The following IAH1 variants were observed in gnomAD, a reference collection of about 807,000 sequenced individuals.
The protein encoded by IAH1 is isoamyl acetate hydrolyzing esterase 1 (putative).
In IAH1, 24 loss-of-function variants were observed where a neutral mutation model predicts 26.7. That is an observed-to-expected ratio of 0.90 (90% confidence interval 0.65 to 1.26). The LOEUF is 1.26. Among genes scored for constraint, IAH1 ranks in the 50% most tolerant of loss-of-function variants. The pLI is 0.00. For missense variants in IAH1, 300 were observed against 299.9 expected (o/e 1.00, Z 0.00); for synonymous variants, 140 against 118.5 (o/e 1.18, Z -1.18).
In IAH1 at chr2:9,488,398, C is replaced by T. The variant is rs1661757905; in HGVS notation, c.*69C>T. Reference sequence around the variant, plus strand: ...AAAGTTGTCAATACGTAGAGGTACGCTTTTTTCCTCAGGCTTAAACCTTTG... The same window carrying T: ...AAAGTTGTCAATACGTAGAGGTACGTTTTTTTCCTCAGGCTTAAACCTTTG... On this transcript the variant is annotated 3_prime_UTR_variant, in exon 6 of 6. Transcript: ENST00000497473. 2 of 1,246,758 alleles carry T rather than the reference C, an allele frequency of 1.6e-6. No individual in the cohort carries two copies. Among genetic ancestry groups the T allele is most frequent in the Middle Eastern group, 2.0e-4 (1 of 5,112 alleles). 77.2% of individuals were successfully genotyped at this position (1,246,758 alleles called of 1,614,324 possible).
At chr2:9,487,840 G>A (rs73913115) in intron 5 of IAH1, among the ~76,000 whole-genome samples, 6,888 of 63,572 alleles carry the variant, frequency 0.11, 587 homozygotes, top group African/African-American at 0.25. Flanking sequence ...GTGTGCGCGC[G>A]CGCGCGCGCG....
the IAH1 span, among the ~76,000 whole-genome samples, chr2:9,506,626 A>C: frequency 6.6e-6 from 1 of 152,194 alleles, no homozygotes; most frequent in Middle Eastern, 3.4e-3. Context: ...CGGTCTCCAA[A>C]GTGCTGGGAT....
At position 9,488,183 on chromosome 2, in the gene IAH1, T is replaced by C; in HGVS notation, c.601T>C (p.Ser201Pro). The stretch of plus-strand genomic sequence containing the variant: ...TTATTTATCAGATGGACTACATTTG[T>C]CTCCAAAGGGGAATGAATTTTTGTT... The part of the protein sequence containing the change: ...SSYLSDGLHL[S>P]PKGNEFLFSH... The change falls in exon 6 of 6, where the codon TCT (serine) becomes CCT (proline). Residue 201 changes from serine (S) to proline (P), a missense_variant. Ser to Pro is a moderately conservative substitution (Grantham distance 74, BLOSUM62 -1). Coordinates refer to ENST00000497473, the MANE Select transcript of IAH1 (RefSeq NM_001039613.3). 1 of 1,612,216 alleles carries C rather than the reference T, an allele frequency of 6.2e-7. No homozygotes were observed. Among genetic ancestry groups the C allele is most frequent in the Non-Finnish European group, 8.5e-7 (1 of 1,179,460 alleles).
At chr2:9,505,264 C>T in the IAH1 span, 1 of 1,614,148 alleles carries the variant, frequency 6.2e-7, no homozygotes, top group Admixed American at 1.7e-5. Flanking sequence ...CTTCATCCAC[C>T]CTCGAGTTCC....
At chr2:9,498,531 A>G (rs1334689704), downstream of IAH1, among the ~76,000 whole-genome samples, 1 of 152,246 alleles carries the variant, frequency 6.6e-6, no homozygotes, top group Non-Finnish European at 1.5e-5. Flanking sequence ...AATGAAGCCA[A>G]TCAAAAGAAT....
the IAH1 span, chr2:9,509,933 A>C: frequency 6.2e-7 from 1 of 1,606,470 alleles, no homozygotes; most frequent in Non-Finnish European, 8.5e-7. Context: ...ATCATTATAC[A>C]CAGCCTCTTT....
chr2:9,478,025 T>C (rs1311886134), intron 2 of IAH1, among the ~76,000 whole-genome samples, 197 bp from the exon 3 acceptor site: 1 of 152,158 alleles, frequency 6.6e-6, no homozygotes, highest in Non-Finnish European at 1.5e-5. Context: ...TATGGTGTAT[T>C]TACCTGTATC....
At chr2:9,493,265 A>G (rs1329941798), downstream of IAH1, among the ~76,000 whole-genome samples, 3 of 152,230 alleles carry the variant, frequency 2.0e-5, no homozygotes, top group Admixed American at 2.0e-4. Flanking sequence ...ATGGAATGCT[A>G]CTACTAGTAA....
rs62120347 is a variant in IAH1 at position 9,488,534 on chromosome 2, A to G, written c.*205A>G. ...ATGCAGATATCAGTGCTACAGCTAT[A>G]AAATATACCCTGAGCAGCTTGTTAA... On this transcript the variant is annotated 3_prime_UTR_variant, in exon 6 of 6. Coordinates refer to ENST00000497473, the MANE Select transcript of IAH1 (RefSeq NM_001039613.3). The G allele has an allele frequency of 0.026, 10,913 of 422,180 alleles. 206 individuals carry two copies. Among genetic ancestry groups the G allele is most frequent in the Non-Finnish European group, 0.035 (8,345 of 240,424 alleles). 26.2% of individuals were successfully genotyped at this position (422,180 alleles called of 1,614,324 possible).
At chr2:9,494,571 C>G (rs948821580), downstream of IAH1, 8 of 1,578,196 alleles carry the variant, frequency 5.1e-6, no homozygotes, top group Non-Finnish European at 6.9e-6. Flanking sequence ...TCTGCAAAAT[C>G]AAGTACTTAC....
chr2:9,473,889 GCA>G (rs1001938843), upstream of IAH1: 1 of 152,210 alleles, frequency 6.6e-6, no homozygotes, highest in African/African-American at 2.4e-5. Flanking sequence ...GAACTTCATT[GCA>G]CAGTTGAGGT....
downstream of IAH1, among the ~76,000 whole-genome samples, chr2:9,493,252 A>G (rs1662305707): frequency 6.6e-6 from 1 of 152,228 alleles, no homozygotes; most frequent in Non-Finnish European, 1.5e-5. Flanking sequence ...TCAACAGATT[A>G]ATATGGAATG....
intron 2 of IAH1, among the ~76,000 whole-genome samples, chr2:9,478,019 G>T (rs534256891): frequency 6.6e-6 from 1 of 152,094 alleles, no homozygotes; most frequent in African/African-American, 2.4e-5. Flanking sequence ...GAGGAGTATG[G>T]TGTATTTACC....
Position 9,484,565 on chromosome 2 carries a change from T to G in IAH1, c.564+15T>G, listed in dbSNP as rs374582120. 141 of 1,533,976 alleles carry G rather than the reference T, an allele frequency of 9.2e-5. No homozygotes were observed. Among genetic ancestry groups the G allele is most frequent in the Middle Eastern group, 5.1e-4 (3 of 5,930 alleles). On this transcript the variant is annotated intron_variant, in intron 5 of 5. Transcript: ENST00000497473. ...AGGACAGCCAGGTACGGTGGCTTGCTCGGTCCTCTCGGGGTAAATAGGATC... is the reference window on the plus strand; with the variant it reads ...AGGACAGCCAGGTACGGTGGCTTGCGCGGTCCTCTCGGGGTAAATAGGATC...
At position 9,478,214 on chromosome 2, in the gene IAH1, C is replaced by T. The variant is rs761047869; in HGVS notation, c.135-8C>T. ...CACAATTCATCTTTTTAAAATTTTT[C>T]GTTTCAGAAAATGTGATGTTCTGAA... On this transcript the variant is annotated splice_polypyrimidine_tract_variant and splice_region_variant and intron_variant, in intron 2 of 5. Transcript: ENST00000497473. 53 of 1,587,514 alleles carry T rather than the reference C, an allele frequency of 3.3e-5. No individual in the cohort carries two copies. Among genetic ancestry groups the T allele is most frequent in the Middle Eastern group, 1.7e-4 (1 of 5,966 alleles).
chr2:9,508,490 A>G, the IAH1 span, among the ~76,000 whole-genome samples: 4 of 152,252 alleles, frequency 2.6e-5, no homozygotes, highest in African/African-American at 4.8e-5. Context: ...GTGATTTCTA[A>G]TAACTTTACC....
At chr2:9,476,124 A>G (rs1660773859) in intron 2 of IAH1, 85 bp downstream of exon 2, 2 of 1,167,780 alleles carry the variant, frequency 1.7e-6, no homozygotes, top group African/African-American at 1.5e-5. Flanking sequence ...AGTTCTGAAC[A>G]GAACATTCCT....
upstream of IAH1, chr2:9,474,468 C>G (rs937479092): frequency 3.0e-5 from 18 of 605,182 alleles, no homozygotes; most frequent in Non-Finnish European, 4.4e-5. This position sits in a 1 kb window ranked among gnomAD's most constrained non-coding sequence, Gnocchi z 4.3. Context: ...AAAGTGACTG[C>G]GTGGGTGCCC....
intron 3 of IAH1, 123 bp from the exon 4 acceptor site, chr2:9,481,163 C>T: frequency 9.9e-7 from 1 of 1,007,692 alleles, no homozygotes; most frequent in Non-Finnish European, 1.5e-6. Flanking sequence ...TCTTTGTGTC[C>T]TTGGTGTTAA....
Sources: allele counts gnomAD v4.1 joint callset (sites outside exome capture counted in the v4.1 genomes callset), GRCh38; gene constraint gnomAD v4.1.1; non-coding constraint Gnocchi (gnomAD v3.1); transcripts MANE v1.5; gene names NCBI Gene and HGNC (gene_info 2026-07-23, HGNC 2026-07-21).